Variants in RORA observed in about 807,000 individuals in gnomAD.
RORA encodes RAR related orphan receptor A.
RORA carries 7 observed loss-of-function variants against 69.5 expected under a neutral mutation model. The ratio of observed to expected loss-of-function variants is 0.10; its 90% CI spans 0.06 to 0.19. The LOEUF is 0.19. RORA is among the 10% of genes least tolerant of loss of function. RORA has a pLI of 1.00. For synonymous variants in RORA, 261 were observed against 240.8 expected (o/e 1.08, Z -0.78); for missense variants, 457 against 663.0 (o/e 0.69, Z 3.41).
chr15:61,045,200 G>C (rs1023238771), intron 1 of RORA, among the ~76,000 whole-genome samples: 1 of 152,110 alleles, frequency 6.6e-6, no homozygotes, highest in African/African-American at 2.4e-5. Context: ...TTCCCATGCT[G>C]TTCTCATGAT....
At chr15:60,693,637 T>C (rs1231010878) in intron 1 of RORA, among the ~76,000 whole-genome samples, 2 of 152,144 alleles carry the variant, frequency 1.3e-5, no homozygotes, top group Non-Finnish European at 2.9e-5. Flanking sequence ...CAAACATTCC[T>C]ATTCACCAAC....
At chr15:60,695,115 A>G (rs149043378) in intron 1 of RORA, among the ~76,000 whole-genome samples, 6 of 149,260 alleles carry the variant, frequency 4.0e-5, no homozygotes, top group Non-Finnish European at 8.9e-5. Flanking sequence ...GCTTAGGAGG[A>G]AAGGCCTATG....
intron 1 of RORA, among the ~76,000 whole-genome samples, chr15:60,868,001 T>C (rs1248965053): frequency 6.6e-6 from 1 of 152,236 alleles, no homozygotes; most frequent in African/African-American, 2.4e-5. Flanking sequence ...ATTTATATTT[T>C]GCCATTGTTA....
intron 1 of RORA, among the ~76,000 whole-genome samples, chr15:61,091,194 G>A (rs1041321328): frequency 2.6e-5 from 4 of 152,108 alleles, no homozygotes; most frequent in African/African-American, 2.4e-5. Flanking sequence ...TTCTGTTGCC[G>A]TTGAATTACG....
intron 1 of RORA, among the ~76,000 whole-genome samples, chr15:61,165,504 T>C (rs28583127): frequency 0.013 from 2,041 of 152,324 alleles, 47 homozygotes; most frequent in African/African-American, 0.047. Flanking sequence ...TCAAAACTCT[T>C]TGTCTTTTTT....
At chr15:60,612,416 G>C (rs776272708) in intron 2 of RORA, among the ~76,000 whole-genome samples, 1 of 152,010 alleles carries the variant, frequency 6.6e-6, no homozygotes, top group Non-Finnish European at 1.5e-5. Context: ...AACTAACCCC[G>C]GGCAGAAACT....
chr15:60,955,332 C>T (rs571439222), intron 1 of RORA, among the ~76,000 whole-genome samples: 3 of 152,172 alleles, frequency 2.0e-5, no homozygotes, highest in East Asian at 1.9e-4. Flanking sequence ...ATAATTGTAA[C>T]GTGTATGTGT....
At chr15:60,839,067 T>C (rs1214981633) in intron 1 of RORA, among the ~76,000 whole-genome samples, 2 of 152,020 alleles carry the variant, frequency 1.3e-5, no homozygotes, top group African/African-American at 2.4e-5. Flanking sequence ...TAAATTTTTT[T>C]TTGTATTTTT....
At chr15:61,160,438 T>C (rs1436860197) in intron 1 of RORA, among the ~76,000 whole-genome samples, 1 of 152,142 alleles carries the variant, frequency 6.6e-6, no homozygotes, top group East Asian at 1.9e-4. Flanking sequence ...ACACTATAGC[T>C]ATCTTATTGA....
At chr15:61,185,879 C>T (rs538989481) in intron 1 of RORA, among the ~76,000 whole-genome samples, 6 of 152,270 alleles carry the variant, frequency 3.9e-5, no homozygotes, top group South Asian at 2.1e-4. Flanking sequence ...ATGCCCAGAC[C>T]GAGACCTGCA....
intron 1 of RORA, among the ~76,000 whole-genome samples, chr15:60,841,533 A>G (rs990639747): frequency 1.2e-4 from 18 of 152,040 alleles, no homozygotes; most frequent in Admixed American, 1.2e-3. Flanking sequence ...GGCCCCTGCC[A>G]TTGCTTCTGA....
chr15:61,157,739 G>A (rs913694684), intron 1 of RORA, among the ~76,000 whole-genome samples: 1 of 152,168 alleles, frequency 6.6e-6, no homozygotes, highest in South Asian at 2.1e-4. Flanking sequence ...ACATCTAGCT[G>A]AGTGACTGGC....
At chr15:61,108,980 T>C (rs757747978) in intron 1 of RORA, among the ~76,000 whole-genome samples, 3 of 152,092 alleles carry the variant, frequency 2.0e-5, no homozygotes, top group African/African-American at 7.2e-5. Context: ...AGGCAGATCA[T>C]GAGGTCAGGA....
intron 1 of RORA, among the ~76,000 whole-genome samples, chr15:61,183,468 G>C (rs1328957183): frequency 6.7e-6 from 1 of 148,598 alleles, no homozygotes; most frequent in Non-Finnish European, 1.5e-5. Flanking sequence ...CCGGGAGGGA[G>C]AAGTTGCAGT....
At chr15:60,507,341 C>G (rs1015794805) in intron 5 of RORA, among the ~76,000 whole-genome samples, 2 of 152,124 alleles carry the variant, frequency 1.3e-5, no homozygotes, top group Non-Finnish European at 2.9e-5. Flanking sequence ...AAATTTGTTA[C>G]TGCTTTTGTC....
chr15:60,622,416 C>T (rs2069436716), intron 2 of RORA, among the ~76,000 whole-genome samples: 1 of 151,992 alleles, frequency 6.6e-6, no homozygotes, highest in Non-Finnish European at 1.5e-5. Context: ...AATTTGAGAC[C>T]AGCCTGGGGA....
intron 1 of RORA, among the ~76,000 whole-genome samples, chr15:60,838,885 CACATATACT>C (rs1354729668): frequency 0.074 from 3,915 of 52,924 alleles, 105 homozygotes; most frequent in South Asian, 0.16. Flanking sequence ...CACACACACA[CACATATACT>C]TTTTTTTTTT....
At chr15:61,111,659 C>G (rs538009678) in intron 1 of RORA, among the ~76,000 whole-genome samples, 1 of 151,996 alleles carries the variant, frequency 6.6e-6, no homozygotes, top group African/African-American at 2.4e-5. Context: ...CAAGTATGCC[C>G]TTATTTTTGT....
At chr15:61,194,968 C>CAAA (rs5813080) in intron 1 of RORA, among the ~76,000 whole-genome samples, 1 of 147,088 alleles carries the variant, frequency 6.8e-6, no homozygotes, top group Admixed American at 6.8e-5. Context: ...AGCACCAGAA[C>CAAA]AAAAAAAAAA....
Sources: gnomAD v4.1 joint callset for allele counts (sites outside exome capture counted in the v4.1 genomes callset) on GRCh38, gnomAD v4.1.1 for gene constraint, MANE v1.5 for transcripts, NCBI Gene and HGNC (gene_info 2026-07-23, HGNC 2026-07-21) for gene names.